ZMYND11: variants seen among roughly 807,000 people sequenced by gnomAD.
ZMYND11 encodes the protein zinc finger MYND-type containing 11.
In ZMYND11, 9 loss-of-function variants were observed where a neutral mutation model predicts 84.9. The ratio of observed to expected loss-of-function variants is 0.11; its 90% CI spans 0.06 to 0.18. ZMYND11 has a LOEUF of 0.18. Ranked by LOEUF, ZMYND11 falls within the 10% of genes least tolerant of loss-of-function variation. ZMYND11 has a pLI of 1.00. For synonymous variants in ZMYND11, 250 were observed against 244.1 expected, an observed-to-expected ratio of 1.02 and a Z score of -0.23; for missense variants, 409 against 761.0, an observed-to-expected ratio of 0.54 and a Z score of 5.44.
chr10:249,576 T>TAC, intron 14 of ZMYND11: 3 of 985,126 alleles, frequency 3.0e-6, no homozygotes, highest in South Asian at 9.4e-5. Flanking sequence ...GGTCTCTAAC[T>TAC]ACCCTCCCTC....
At chr10:230,332 G>C (rs1253432792) in intron 4 of ZMYND11, among the ~76,000 whole-genome samples, 1 of 151,560 alleles carries the variant, frequency 6.6e-6, no homozygotes, top group Non-Finnish European at 1.5e-5. Flanking sequence ...AATTAGCCCA[G>C]CATGCTGGTG....
intron 4 of ZMYND11, among the ~76,000 whole-genome samples, chr10:223,882 A>G (rs1419463779): frequency 6.6e-6 from 1 of 152,172 alleles, no homozygotes; most frequent in Non-Finnish European, 1.5e-5. Flanking sequence ...ATGGACTAAG[A>G]GAACCTAGAG....
chr10:237,537 C>G (rs182136342), intron 5 of ZMYND11, 48 bp from the exon 6 acceptor site: 2 of 1,190,334 alleles, frequency 1.7e-6, no homozygotes, highest in South Asian at 2.8e-5. Context: ...GATGTCTTAC[C>G]TGCCTTCCTT....
intron 1 of ZMYND11, chr10:148,220 T>A (rs914181731): frequency 6.6e-6 from 1 of 151,830 alleles, no homozygotes; most frequent in Admixed American, 6.6e-5. Context: ...GTGTCCTAAC[T>A]TCCTTTGCTC....
intron 1 of ZMYND11, among the ~76,000 whole-genome samples, chr10:153,200 G>A (rs1486664394): frequency 6.6e-6 from 1 of 152,150 alleles, no homozygotes; most frequent in Non-Finnish European, 1.5e-5. Flanking sequence ...GAAGTCTACT[G>A]TTATACAACC....
chr10:254,291 T>C lies in ZMYND11; in HGVS notation c.*1821T>C, dbSNP rs1032239021. 1 of 152,654 alleles carries C rather than the reference T, an allele frequency of 6.6e-6. No individual in the cohort carries two copies. The highest frequency in any genetic ancestry group is 1.9e-4 in the East Asian group (1 of 5,204). The allele number at this position is 152,654 out of a possible 1,614,324, so 9.5% of individuals were successfully genotyped here. Reference sequence around the variant, plus strand: ...CATGAAAGTGAGATTCGTGTTACTTTGGCTTTTCTGTCTCTGTTGACACGG... The same window carrying C: ...CATGAAAGTGAGATTCGTGTTACTTCGGCTTTTCTGTCTCTGTTGACACGG... On this transcript the variant is annotated 3_prime_UTR_variant, in exon 15 of 15. Transcript: ENST00000381604.
At chr10:179,892 G>A in intron 1 of ZMYND11, 102 bp from the exon 2 acceptor site, 2 of 614,224 alleles carry the variant, frequency 3.3e-6, no homozygotes, top group South Asian at 2.5e-5. Flanking sequence ...TACATACTAA[G>A]TATAATCAAT....
intron 14 of ZMYND11, chr10:249,578 C>A (rs1036951812): frequency 4.1e-6 from 4 of 984,934 alleles, no homozygotes; most frequent in Non-Finnish European, 3.6e-6. Context: ...TCTCTAACTA[C>A]CCTCCCTCAT....
At chr10:145,149 T>C (rs1588414218) in intron 1 of ZMYND11, among the ~76,000 whole-genome samples, 1 of 150,694 alleles carries the variant, frequency 6.6e-6, no homozygotes, top group East Asian at 1.9e-4. Flanking sequence ...TATATGTGTA[T>C]ATATATATGT....
chr10:141,395 A>G (rs1554753957), intron 1 of ZMYND11, among the ~76,000 whole-genome samples: 2 of 152,218 alleles, frequency 1.3e-5, no homozygotes, highest in Admixed American at 6.5e-5. Context: ...CAAGCACAAT[A>G]AAATGTAAAG....
intron 6 of ZMYND11, among the ~76,000 whole-genome samples, chr10:238,455 C>A (rs1263418182): frequency 1.3e-5 from 2 of 151,968 alleles, no homozygotes; most frequent in East Asian, 3.9e-4. Context: ...CTCCCGGGTT[C>A]ACGCCATTCT....
At position 248,379 on chromosome 10, in the gene ZMYND11, T is replaced by C; in HGVS notation, c.1271T>C (p.Ile424Thr). Residue 424 changes from isoleucine to threonine, a missense_variant, in exon 13 of 15, where the codon ATA (isoleucine) becomes ACA (threonine). Physicochemically the swap from Ile to Thr is moderately conservative, Grantham distance 89. Around this residue, in one of 7 missense-constraint regions of ZMYND11, gnomAD observed 141 missense variants for 173.8 expected, o/e 0.81. Coordinates refer to ENST00000381604, the MANE Select transcript of ZMYND11 (RefSeq NM_001370100.5). ...ETEAVSSSQE[I>T]PTMPQPIEKV... ...GAAGCAGTAAGTTCTAGCCAGGAAA[T>C]ACCCACGATGCCTCAGCCCATCGAA... 6.2e-7 allele frequency: 1 copy of C among 1,614,112 alleles called. No individual in the cohort carries two copies. The highest frequency in any genetic ancestry group is 8.5e-7 in the Non-Finnish European group (1 of 1,180,032).
intron 2 of ZMYND11, among the ~76,000 whole-genome samples, chr10:192,589 G>C (rs537826388): frequency 2.1e-4 from 32 of 152,356 alleles, no homozygotes; most frequent in African/African-American, 6.7e-4. Context: ...TCCAGAAAGA[G>C]AAATTCCTCC....
intron 2 of ZMYND11, among the ~76,000 whole-genome samples, chr10:208,454 C>T (rs1944581056): frequency 6.6e-6 from 1 of 152,110 alleles, no homozygotes; most frequent in Non-Finnish European, 1.5e-5. Flanking sequence ...AAGAAAAAAA[C>T]AAATAACCCC....
chr10:152,947 G>A (rs782070856), intron 1 of ZMYND11, among the ~76,000 whole-genome samples: 2 of 152,186 alleles, frequency 1.3e-5, no homozygotes, highest in Non-Finnish European at 2.9e-5. Context: ...TGAACAACCT[G>A]CTCCTGAATG....
At chr10:157,037 T>G (rs1334002707) in intron 1 of ZMYND11, among the ~76,000 whole-genome samples, 1 of 152,176 alleles carries the variant, frequency 6.6e-6, no homozygotes, top group Admixed American at 6.5e-5. Context: ...TAAGCAGTTA[T>G]TTTTATGGAT....
At chr10:173,555 A>G (rs557669443) in intron 1 of ZMYND11, among the ~76,000 whole-genome samples, 1 of 152,104 alleles carries the variant, frequency 6.6e-6, no homozygotes, top group Non-Finnish European at 1.5e-5. Flanking sequence ...GCCTCTCCAA[A>G]ACATTAACAA....
rs773651937 is a variant in ZMYND11 at position 237,691 on chromosome 10, C to G, written c.609+14C>G. The G allele has an allele frequency of 1.1e-5, 18 of 1,584,732 alleles. No individual in the cohort carries two copies. Among genetic ancestry groups the G allele is most frequent in the Non-Finnish European group, 1.4e-5 (16 of 1,162,592 alleles). ...ACCATTCAAGAGGTAAAGTCGGTTT[C>G]TTTTATTTCCACTTCAAGTACATTT... On this transcript the variant is annotated intron_variant, in intron 6 of 14. Coordinates refer to ENST00000381604, the MANE Select transcript of ZMYND11 (RefSeq NM_001370100.5).
chr10:207,266 C>G (rs1490401198), intron 2 of ZMYND11, among the ~76,000 whole-genome samples: 1 of 152,164 alleles, frequency 6.6e-6, no homozygotes, highest in Non-Finnish European at 1.5e-5. Flanking sequence ...GGTTCCAAGT[C>G]TTTGCTATTG....
Sources: allele counts gnomAD v4.1 joint callset (sites outside exome capture counted in the v4.1 genomes callset), GRCh38; gene constraint gnomAD v4.1.1; regional missense constraint gnomAD v4.1.1; transcripts MANE v1.5; gene names NCBI Gene and HGNC (gene_info 2026-07-23, HGNC 2026-07-21).